NRP1: variants seen among roughly 807,000 people sequenced by gnomAD.
NRP1 encodes the protein neuropilin 1.
In NRP1, 35 loss-of-function variants were observed where a neutral mutation model predicts 106.7. That is an observed-to-expected ratio of 0.33 (90% CI 0.25 to 0.43). NRP1 has a LOEUF of 0.43. NRP1 is among the 20% of genes least tolerant of loss of function. The pLI, the probability that NRP1 is intolerant of heterozygous loss-of-function variation, is 1.00. For synonymous variants in NRP1, 437 were observed against 417.9 expected (o/e 1.05, Z -0.56); for missense variants, 1,024 against 1,170.4 (o/e 0.87, Z 1.83).
At chr10:33,235,468 A>G (rs1840484113) in intron 6 of NRP1, among the ~76,000 whole-genome samples, 1 of 152,270 alleles carries the variant, frequency 6.6e-6, no homozygotes, top group Admixed American at 6.5e-5. Flanking sequence ...AGAGCAACGC[A>G]CGGAACTGTG....
chr10:33,227,407 T>C (rs112256167), intron 6 of NRP1, among the ~76,000 whole-genome samples: 3 of 151,984 alleles, frequency 2.0e-5, no homozygotes, highest in Admixed American at 6.6e-5. Flanking sequence ...AGAGGGGCCA[T>C]AGATTTATAA....
intron 8 of NRP1, among the ~76,000 whole-genome samples, chr10:33,218,630 C>T (rs1224673538): frequency 6.6e-6 from 1 of 152,202 alleles, no homozygotes; most frequent in East Asian, 1.9e-4. Flanking sequence ...CAGGAGTGAG[C>T]CACTGCGCCC....
chr10:33,213,406 C>T lies in NRP1; in HGVS notation c.1594G>A (p.Asp532Asn), dbSNP rs371533986. 1.9e-6 allele frequency: 3 copies of T among 1,613,934 alleles called. No individual in the cohort carries two copies. Among genetic ancestry groups the T allele is most frequent in the Admixed American group, 3.3e-5 (2 of 59,998 alleles). ...CTCACCTTCGCCTTGCGTTTGCTGT[C>T]ATCCATGATCATCTTCCAGTCCGAG... is the stretch of plus-strand genomic sequence containing the variant. ...NGSDWKMIMD[D>N]SKRKAKSFEG... The change falls in exon 9 of 17, where the codon GAC (aspartate) becomes AAC (asparagine). Residue 532 changes from aspartate to asparagine, a missense_variant. This residue lies in a region of NRP1 where 562 missense variants were observed against 620.3 expected (regional missense o/e 0.91). Coordinates refer to ENST00000374867, the MANE Select transcript of NRP1 (RefSeq NM_003873.7).
At chr10:33,198,419 G>T (rs147837621) in intron 11 of NRP1, among the ~76,000 whole-genome samples, 7,192 of 152,102 alleles carry the variant, frequency 0.047, 228 homozygotes, top group Middle Eastern at 0.088. Flanking sequence ...TAGGATTACA[G>T]GTATGAGCCA....
At chr10:33,283,742 C>T (rs1459067778) in intron 2 of NRP1, among the ~76,000 whole-genome samples, 1 of 152,096 alleles carries the variant, frequency 6.6e-6, no homozygotes, top group Non-Finnish European at 1.5e-5. Context: ...ATCTAGGTAA[C>T]CTCATGATTT....
chr10:33,312,905 G>A (rs1846709839), intron 2 of NRP1, among the ~76,000 whole-genome samples: 1 of 152,052 alleles, frequency 6.6e-6, no homozygotes, highest in African/African-American at 2.4e-5. Context: ...GATCAAATCC[G>A]AGTTTGGGTT....
chr10:33,231,859 C>T (rs560498623), intron 6 of NRP1, among the ~76,000 whole-genome samples: 38 of 151,818 alleles, frequency 2.5e-4, no homozygotes, highest in African/African-American at 4.6e-4. Context: ...GTTCCAGGGA[C>T]GAGGAGGAGC....
chr10:33,241,546 T>TA (rs1289286309), intron 6 of NRP1, among the ~76,000 whole-genome samples: 1 of 152,250 alleles, frequency 6.6e-6, no homozygotes, highest in African/African-American at 2.4e-5. Context: ...GAACCGTTCT[T>TA]AAAACACGGT....
rs78750792 is a variant in NRP1 at position 33,275,052 on chromosome 10, T to C, written c.249-4196A>G. 2.6e-4 allele frequency among the ~76,000 whole-genome samples: 39 copies of C among 152,242 alleles called. 1 individual carries two copies. The East Asian group carries it at 6.9e-3, about 27-fold the overall frequency. On this transcript the variant is annotated intron_variant, in intron 2 of 16. Transcript: ENST00000374867. ...GAGTATTAGAAACAGGATTTGGAAA[T>C]AAAAATATACAATGGTGGAGCTAGG...
chr10:33,315,792 A>T (rs1267355497), intron 2 of NRP1, among the ~76,000 whole-genome samples: 1 of 152,228 alleles, frequency 6.6e-6, no homozygotes, highest in Non-Finnish European at 1.5e-5. Flanking sequence ...TTCAGGTAGA[A>T]CTAGGATGAT....
At chr10:33,195,950 T>G (rs1223065197) in intron 12 of NRP1, among the ~76,000 whole-genome samples, 1 of 152,140 alleles carries the variant, frequency 6.6e-6, no homozygotes, top group African/African-American at 2.4e-5. Flanking sequence ...TGTTTGCAAT[T>G]TGCATACCTG....
At chr10:33,276,896 C>G (rs905000771) in intron 2 of NRP1, among the ~76,000 whole-genome samples, 1 of 152,020 alleles carries the variant, frequency 6.6e-6, no homozygotes, top group Non-Finnish European at 1.5e-5. Context: ...TAATTCAAGA[C>G]CAGCTTGGAC....
At chr10:33,307,664 C>T (rs12354825) in intron 2 of NRP1, among the ~76,000 whole-genome samples, 3,471 of 152,176 alleles carry the variant, frequency 0.023, 42 homozygotes, top group Non-Finnish European at 0.035. Context: ...AAAGAAATCC[C>T]TAAGCATACA....
intron 8 of NRP1, among the ~76,000 whole-genome samples, chr10:33,215,649 A>C (rs967058963): frequency 2.0e-5 from 3 of 152,208 alleles, no homozygotes; most frequent in Non-Finnish European, 4.4e-5. Context: ...TTAGCCTAAA[A>C]ATATAACTAC....
intron 12 of NRP1, among the ~76,000 whole-genome samples, chr10:33,196,435 G>A (rs969526487): frequency 2.1e-4 from 32 of 152,164 alleles, no homozygotes; most frequent in African/African-American, 7.5e-4. Context: ...GAACTTTCAG[G>A]AAAGGTACAA....
intron 3 of NRP1, among the ~76,000 whole-genome samples, chr10:33,266,049 T>C (rs1206409105): frequency 2.6e-5 from 4 of 152,204 alleles, no homozygotes; most frequent in Non-Finnish European, 4.4e-5. Flanking sequence ...CCGCTTTGGC[T>C]ACATTCTTGT....
chr10:33,270,646 T>C (rs2133296688), intron 3 of NRP1, 29 bp downstream of exon 3: 1 of 1,565,052 alleles, frequency 6.4e-7, no homozygotes, highest in Non-Finnish European at 8.7e-7. Context: ...TCTTAGTCAT[T>C]CTTGTTCTAC....
chr10:33,325,870 A>G (rs1281025212), intron 2 of NRP1, among the ~76,000 whole-genome samples: 1 of 152,200 alleles, frequency 6.6e-6, no homozygotes, highest in Non-Finnish European at 1.5e-5. Context: ...AGTTGAAAAA[A>G]GCAACTGTGC....
rs144404182 is a variant in NRP1, at chr10:33,319,631, G to T, written c.248+11077C>A. ...AGACAGTGTCTCCTTCTGTTGCCCA[G>T]GCTGGAGTGCATTGGCACGATCTCG... On this transcript the variant is annotated intron_variant, in intron 2 of 16. Transcript: ENST00000374867. 2.7e-3 allele frequency among the ~76,000 whole-genome samples: 393 copies of T among 144,694 alleles called. 2 individuals carry two copies. The highest frequency in any genetic ancestry group is 1.0e-2 in the African/African-American group (383 of 38,312). 94.9% of individuals were successfully genotyped at this position (144,694 alleles called of 152,430 possible).
Sources: gnomAD v4.1 joint callset for allele counts (sites outside exome capture counted in the v4.1 genomes callset) on GRCh38, gnomAD v4.1.1 for gene constraint, gnomAD v4.1.1 regional missense constraint, MANE v1.5 for transcripts, NCBI Gene and HGNC (gene_info 2026-07-23, HGNC 2026-07-21) for gene names.